The following VIT variants were observed in gnomAD, a reference collection of about 807,000 sequenced individuals.
The protein encoded by VIT is vitrin.
A neutral mutation model predicts 78.0 loss-of-function variants in VIT; 99 were observed. The observed-to-expected ratio is 1.27, with a 90% CI of 1.08 to 1.50. The LOEUF (loss-of-function observed/expected upper bound fraction) is 1.50. Among genes scored for constraint, VIT ranks in the 40% most tolerant of loss-of-function variants. The probability of loss-of-function intolerance (pLI) is 0.00; values close to 1 mark genes in which losing one functional copy is unlikely to be tolerated. For synonymous variants in VIT, 374 were observed against 334.3 expected (o/e 1.12, Z -1.29); for missense variants, 1,126 against 875.3 (o/e 1.29, Z -3.61).
At chr2:36,811,664 T>C (rs1667180287) in intron 15 of VIT, among the ~76,000 whole-genome samples, 1 of 151,904 alleles carries the variant, frequency 6.6e-6, no homozygotes, top group Admixed American at 6.6e-5. Context: ...TTTTTTTTCT[T>C]TCTTTCTTTT....
chr2:36,770,858 C>T (rs1391753231), intron 7 of VIT, among the ~76,000 whole-genome samples: 1 of 152,186 alleles, frequency 6.6e-6, no homozygotes, highest in African/African-American at 2.4e-5. Flanking sequence ...TGTCCACAAC[C>T]AAGGGTAGAC....
At chr2:36,706,938 C>A (rs1665465023) in intron 1 of VIT, among the ~76,000 whole-genome samples, 1 of 152,064 alleles carries the variant, frequency 6.6e-6, no homozygotes, top group Non-Finnish European at 1.5e-5. Flanking sequence ...GAGACCTGGG[C>A]TCTGTGACTT....
At chr2:36,777,784 T>C (rs185642690) in intron 9 of VIT, among the ~76,000 whole-genome samples, 1 of 152,230 alleles carries the variant, frequency 6.6e-6, no homozygotes, top group Non-Finnish European at 1.5e-5. Context: ...CGTTCTGTCA[T>C]TGAATGTGTT....
chr2:36,811,216 G>A (rs149060659), intron 15 of VIT, among the ~76,000 whole-genome samples: 17 of 152,290 alleles, frequency 1.1e-4, no homozygotes, highest in African/African-American at 3.6e-4. Flanking sequence ...AGGCTCAGAA[G>A]CAACTGGCCC....
At chr2:36,762,751 C>T (rs899190200) in intron 6 of VIT, among the ~76,000 whole-genome samples, 1 of 152,116 alleles carries the variant, frequency 6.6e-6, no homozygotes, top group Non-Finnish European at 1.5e-5. Flanking sequence ...TATGAATTAA[C>T]AGGCTAATCA....
chr2:36,764,842 T>C (rs924172727), intron 6 of VIT, among the ~76,000 whole-genome samples: 9 of 152,094 alleles, frequency 5.9e-5, no homozygotes, highest in Admixed American at 1.3e-4. Flanking sequence ...TCCAGGACTA[T>C]GATTCTGGCA....
chr2:36,780,683 C>G (rs748576475), intron 9 of VIT, among the ~76,000 whole-genome samples: 6 of 152,162 alleles, frequency 3.9e-5, no homozygotes, highest in Non-Finnish European at 5.9e-5. Flanking sequence ...ATCTTCATCA[C>G]ATAAAGAAAA....
chr2:36,772,754 G>C (rs141432497), intron 7 of VIT, among the ~76,000 whole-genome samples: 91 of 152,328 alleles, frequency 6.0e-4, no homozygotes, highest in African/African-American at 2.2e-3. Context: ...TTGAAATTGT[G>C]TCAAATAATT....
intron 9 of VIT, among the ~76,000 whole-genome samples, chr2:36,776,189 C>T (rs1670035510): frequency 6.6e-6 from 1 of 152,182 alleles, no homozygotes; most frequent in Non-Finnish European, 1.5e-5. Context: ...AACTTCAGCT[C>T]CTCATTACTA....
At chr2:36,787,326 T>C (rs1352117160) in intron 12 of VIT, 50 bp downstream of exon 12, 1 of 1,578,558 alleles carries the variant, frequency 6.3e-7, no homozygotes, top group African/African-American at 1.4e-5. Context: ...TGCCATGTGC[T>C]TAATTTTATG....
chr2:36,743,111 A>G lies in VIT; in HGVS notation c.130A>G (p.Ile44Val). 1 of 1,614,034 alleles carries G rather than the reference A, an allele frequency of 6.2e-7. No individual in the cohort carries two copies. Among genetic ancestry groups the G allele is most frequent in the Non-Finnish European group, 8.5e-7 (1 of 1,179,938 alleles). ...TTTTGTATTCCCAGCTGTGCCTCAG[A>G]TCAACTGCGATGTCAAAGCCGGAAA... Reference protein sequence around the residue: ...IKRPKFTVPQINCDVKAGKII... With the variant: ...IKRPKFTVPQVNCDVKAGKII... The change falls in exon 4 of 16, where the codon ATC becomes GTC. Residue 44 changes from isoleucine (I) to valine (V), a missense_variant. Ile to Val is a conservative substitution (Grantham distance 29, BLOSUM62 3). Transcript: ENST00000379242.
chr2:36,727,121 G>C (rs1666903781), intron 2 of VIT, among the ~76,000 whole-genome samples: 1 of 152,090 alleles, frequency 6.6e-6, no homozygotes, highest in African/African-American at 2.4e-5. Flanking sequence ...CACAGAACCA[G>C]GGCTGCCAGG....
In VIT at chr2:36,721,010, C is replaced by CA. The variant is rs59344500; in HGVS notation, c.52+4601dup. On this transcript the variant is annotated intron_variant, in intron 2 of 15. Coordinates refer to ENST00000379242, the MANE Select transcript of VIT (RefSeq NM_053276.4). ...GGGCAACAACAGCGAGACTCCATCT[C>CA]AAAAAAAAAAAAAGGTACAAACTTT... 3.9e-3 allele frequency among the ~76,000 whole-genome samples: 519 copies of CA among 134,088 alleles called. 7 individuals carry two copies. The East Asian group carries it at 0.06, about 16-fold the overall frequency. The allele number at this position is 134,088 out of a possible 152,430, so 88.0% of individuals were successfully genotyped here.
intron 3 of VIT, among the ~76,000 whole-genome samples, chr2:36,729,748 A>G (rs768086795): frequency 6.6e-6 from 1 of 152,210 alleles, no homozygotes; most frequent in African/African-American, 2.4e-5. Flanking sequence ...TACAAAGACC[A>G]GGCAACAGTA....
intron 1 of VIT, among the ~76,000 whole-genome samples, chr2:36,699,668 A>AGATG (rs1553357731): frequency 0.029 from 4,372 of 151,580 alleles, 124 homozygotes; most frequent in African/African-American, 0.078. Context: ...ATAGATAGAT[A>AGATG]TGCACACACA....
At chr2:36,802,383 C>T (rs1666395211) in intron 13 of VIT, among the ~76,000 whole-genome samples, 1 of 152,180 alleles carries the variant, frequency 6.6e-6, no homozygotes, top group Non-Finnish European at 1.5e-5. Flanking sequence ...TCATGAGCCA[C>T]AGTTGCTTGG....
At chr2:36,731,569 G>A (rs967044780) in intron 3 of VIT, among the ~76,000 whole-genome samples, 3 of 152,078 alleles carry the variant, frequency 2.0e-5, no homozygotes, top group African/African-American at 4.8e-5. Context: ...CACCGCAACC[G>A]GCCATGTCTT....
chr2:36,757,631 T>G (rs1558544648), intron 5 of VIT, among the ~76,000 whole-genome samples: 2 of 152,238 alleles, frequency 1.3e-5, no homozygotes, highest in African/African-American at 4.8e-5. Flanking sequence ...GAAATGCCAG[T>G]CCTGTTCCCC....
At chr2:36,731,323 G>A (rs1667194438) in intron 3 of VIT, among the ~76,000 whole-genome samples, 1 of 151,938 alleles carries the variant, frequency 6.6e-6, no homozygotes, top group South Asian at 2.1e-4. Flanking sequence ...CGCCAGGCTG[G>A]AGTGCAGTGG....
Sources: gnomAD v4.1 joint callset for allele counts (sites outside exome capture counted in the v4.1 genomes callset) on GRCh38, gnomAD v4.1.1 for gene constraint, MANE v1.5 for transcripts, NCBI Gene and HGNC (gene_info 2026-07-23, HGNC 2026-07-21) for gene names.